Variants in PFKP observed in about 807,000 individuals in gnomAD.
The protein encoded by PFKP is ATP-dependent 6-phosphofructokinase, platelet type.
PFKP carries 101 observed loss-of-function variants against 94.3 expected under a neutral mutation model. That is an observed-to-expected ratio of 1.07 (90% CI 0.91 to 1.26). The LOEUF is 1.26. PFKP is among the 50% of genes most tolerant of loss of function. The probability of loss-of-function intolerance (pLI) is 0.00; values close to 1 mark genes in which losing one functional copy is unlikely to be tolerated. For synonymous variants in PFKP, 573 were observed against 432.6 expected (o/e 1.32, Z -4.03); for missense variants, 1,145 against 1,103.3 (o/e 1.04, Z -0.53).
At chr10:3,073,351 A>G (rs1832340939) in intron 1 of PFKP, among the ~76,000 whole-genome samples, 1 of 151,922 alleles carries the variant, frequency 6.6e-6, no homozygotes, top group Non-Finnish European at 1.5e-5. Flanking sequence ...AAAAGAGAAT[A>G]GGCTGGACTG....
chr10:3,108,676 A>G lies in PFKP; in HGVS notation c.871-25A>G, dbSNP rs79962653. On this transcript the variant is annotated intron_variant, in intron 8 of 21. Coordinates refer to ENST00000381125, the MANE Select transcript of PFKP (RefSeq NM_002627.5). ...TGCTGTGTCCGCATCACAGTTCCGC[A>G]TCCTAACGAGATGTTTCCTTGCAGC... 3.1e-3 allele frequency: 4,865 copies of G among 1,588,864 alleles called. 130 individuals are homozygous for G. The African/African-American group carries it at 0.058, about 19-fold the overall frequency.
chr10:3,107,958 C>T, intron 8 of PFKP: 1 of 1,289,706 alleles, frequency 7.8e-7, no homozygotes, highest in South Asian at 1.2e-5. Context: ...CAGAAGACGT[C>T]CCCACCTGGC....
intron 2 of PFKP, among the ~76,000 whole-genome samples, chr10:3,084,677 G>T (rs1833347378): frequency 7.4e-6 from 1 of 135,874 alleles, no homozygotes; most frequent in African/African-American, 2.6e-5. Context: ...GAGCACAGTA[G>T]ACGCGGTCTC....
At chr10:3,072,963 C>CT (rs1832314055) in intron 1 of PFKP, among the ~76,000 whole-genome samples, 1 of 151,946 alleles carries the variant, frequency 6.6e-6, no homozygotes. Context: ...TCCACAAGCC[C>CT]TTTCTGGTGT....
In PFKP at chr10:3,067,617, G is replaced by T; in HGVS notation, c.22G>T (p.Ala8Ser). The change falls in exon 1 of 22, where the codon GCC (alanine) becomes TCC (serine). Residue 8 changes from alanine (A) to serine (S), a missense_variant. This residue lies in a region of PFKP where 1,119 missense variants were observed against 1,062.8 expected (regional missense o/e 1.05). Transcript: ENST00000381125. MDADDSR[A>S]PKGSLRKFLE... ...CGCCATGGACGCGGACGACTCCCGG[G>T]CCCCCAAGGGCTCCTTGCGGAAGTT... is the stretch of plus-strand genomic sequence containing the variant. The T allele has an allele frequency of 1.3e-6, 2 of 1,529,718 alleles. No individual in the cohort carries two copies. The highest frequency in any genetic ancestry group is 1.8e-6 in the Non-Finnish European group (2 of 1,137,572). 94.8% of individuals were successfully genotyped at this position (1,529,718 alleles called of 1,614,324 possible). A position where few individuals can be genotyped will look rare whatever the true frequency, so the allele number is the denominator to read the frequency against.
At chr10:3,115,634 C>T (rs1373548154) in intron 13 of PFKP, among the ~76,000 whole-genome samples, 1 of 152,218 alleles carries the variant, frequency 6.6e-6, no homozygotes, top group African/African-American at 2.4e-5. Flanking sequence ...CAGTAAGCCG[C>T]TGTGTCCCAG....
At chr10:3,102,480 C>G (rs1343716789) in intron 4 of PFKP, among the ~76,000 whole-genome samples, 1 of 151,970 alleles carries the variant, frequency 6.6e-6, no homozygotes, top group Non-Finnish European at 1.5e-5. Flanking sequence ...GTGGCACGAT[C>G]TCGGCTCACT....
Position 3,103,898 on chromosome 10 carries a change from C to T in PFKP, c.574C>T (p.His192Tyr), listed in dbSNP as rs769238903. The change falls in exon 5 of 22, where the codon CAC becomes TAC. Residue 192 changes from histidine to tyrosine, a missense_variant. This residue lies in a region of PFKP where 1,119 missense variants were observed against 1,062.8 expected (regional missense o/e 1.05). Transcript: ENST00000381125. ...DMTIGTDSALHRIIEVVDAIM... is the reference protein window; with the variant it reads ...DMTIGTDSALYRIIEVVDAIM... ...GACCATCGGCACGGACTCCGCCCTG[C>T]ACAGGATCATCGAGGTCGTCGACGC... 2.9e-5 allele frequency: 46 copies of T among 1,613,962 alleles called. No individual in the cohort carries two copies. Among genetic ancestry groups the T allele is most frequent in the Non-Finnish European group, 3.8e-5 (45 of 1,180,042 alleles).
chr10:3,074,259 G>C (rs1188766875), intron 1 of PFKP, among the ~76,000 whole-genome samples: 2 of 152,232 alleles, frequency 1.3e-5, no homozygotes, highest in African/African-American at 2.4e-5. Context: ...CTGTGGTGAG[G>C]TGCGGGTACG....
chr10:3,115,445 G>A lies in PFKP; in HGVS notation c.1372-1331G>A, dbSNP rs1395896367. 6.0e-4 allele frequency among the ~76,000 whole-genome samples: 11 copies of A among 18,352 alleles called. 5 individuals are homozygous for A. The East Asian group carries it at 0.039, about 65-fold the overall frequency. 12.0% of individuals were successfully genotyped at this position (18,352 alleles called of 152,430 possible). On this transcript the variant is annotated intron_variant, in intron 13 of 21. Transcript: ENST00000381125. ...CGCCATGGAGGACAGGACTGGGGAT[G>A]CCGGGGTGAAGGTGTGTGTCCCGCC...
At chr10:3,129,533 C>A in intron 16 of PFKP, 12 of 427,594 alleles carry the variant, frequency 2.8e-5, no homozygotes, top group South Asian at 5.9e-5. Flanking sequence ...TTTCCGTCCC[C>A]TTCTATGGGG....
chr10:3,099,594 C>T (rs1233786182), intron 3 of PFKP, among the ~76,000 whole-genome samples: 1 of 152,240 alleles, frequency 6.6e-6, no homozygotes, highest in Non-Finnish European at 1.5e-5. Flanking sequence ...TGAAGACGCT[C>T]ATGGGGCCCA....
In PFKP at chr10:3,105,519, G is replaced by C; in HGVS notation, c.774+18G>C. The C allele has an allele frequency of 6.6e-7, 1 of 1,523,486 alleles. No individual in the cohort carries two copies. The highest frequency in any genetic ancestry group is 9.1e-7 in the Non-Finnish European group (1 of 1,097,266). 94.4% of individuals were successfully genotyped at this position (1,523,486 alleles called of 1,614,324 possible). ...TCTCGGAGGTAATGCGGGTCCCGTGGCCGTTGATAGCGGGCGATGCTGGCT... is the reference window on the plus strand; with the variant it reads ...TCTCGGAGGTAATGCGGGTCCCGTGCCCGTTGATAGCGGGCGATGCTGGCT... On this transcript the variant is annotated intron_variant, in intron 7 of 21. Transcript: ENST00000381125.
intron 13 of PFKP, 97 bp downstream of exon 13, chr10:3,113,615 T>G (rs1836490130): frequency 2.1e-6 from 2 of 947,548 alleles, no homozygotes. Context: ...CTCATACCTT[T>G]TCATGCCTCA....
intron 20 of PFKP, 91 bp from the exon 21 acceptor site, chr10:3,135,645 G>C: frequency 1.3e-6 from 1 of 779,920 alleles, no homozygotes. Context: ...TGGTTCTGAG[G>C]AATCTCAGTT....
At chr10:3,090,702 C>T (rs779018816) in intron 2 of PFKP, among the ~76,000 whole-genome samples, 2 of 152,152 alleles carry the variant, frequency 1.3e-5, no homozygotes, top group African/African-American at 2.4e-5. Context: ...CCACCTACCC[C>T]ATAGTCATGA....
intron 2 of PFKP, among the ~76,000 whole-genome samples, chr10:3,086,504 G>A (rs1200386499): frequency 6.6e-6 from 1 of 152,168 alleles, no homozygotes; most frequent in Admixed American, 6.5e-5. Context: ...TTTTGATTGT[G>A]CCATTATTGA....
In PFKP at chr10:3,099,336, C is replaced by G. The variant is rs1285205488; in HGVS notation, c.248C>G (p.Ser83Cys). 1 of 1,614,010 alleles carries G rather than the reference C, an allele frequency of 6.2e-7. No homozygotes were observed. Among genetic ancestry groups the G allele is most frequent in the Admixed American group, 1.7e-5 (1 of 60,024 alleles). Reference sequence around the variant, plus strand: ...GCAGAGGCCGACTGGGAGAGTGTCTCCAGCATCCTGCAAGTGGTAGGTACT... The same window carrying G: ...GCAGAGGCCGACTGGGAGAGTGTCTGCAGCATCCTGCAAGTGGTAGGTACT... ...NIAEADWESV[S>C]SILQVGGTII... Residue 83 changes from serine (S) to cysteine (C), a missense_variant, in exon 3 of 22, where the codon TCC becomes TGC. Physicochemically the swap from Ser to Cys is moderately radical, Grantham distance 112. This residue lies in a region of PFKP where 1,119 missense variants were observed against 1,062.8 expected (regional missense o/e 1.05). Coordinates refer to ENST00000381125, the MANE Select transcript of PFKP (RefSeq NM_002627.5).
intron 1 of PFKP, among the ~76,000 whole-genome samples, chr10:3,078,368 C>G (rs960674764): frequency 1.3e-5 from 2 of 152,304 alleles, no homozygotes; most frequent in Non-Finnish European, 2.9e-5. Context: ...GTGTTCTTCT[C>G]CCTCCAAACC....
Sources: allele counts gnomAD v4.1 joint callset (sites outside exome capture counted in the v4.1 genomes callset), GRCh38; gene constraint gnomAD v4.1.1; regional missense constraint gnomAD v4.1.1; transcripts MANE v1.5; gene names NCBI Gene and HGNC (gene_info 2026-07-23, HGNC 2026-07-21).